AVEN: variants seen among roughly 807,000 people sequenced by gnomAD.
AVEN encodes apoptosis and caspase activation inhibitor.
In AVEN, 41 loss-of-function variants were observed where a neutral mutation model predicts 38.1. The observed-to-expected ratio is 1.08, with a 90% confidence interval of 0.84 to 1.40. The LOEUF is 1.40. Ranked by LOEUF, AVEN falls within the 40% of genes most tolerant of loss-of-function variation. AVEN has a pLI of 0.00. For missense variants in AVEN, 605 were observed against 438.8 expected, an observed-to-expected ratio of 1.38 and a Z score of -3.38; for synonymous variants, 206 against 171.8, an observed-to-expected ratio of 1.20 and a Z score of -1.56.
intron 1 of AVEN, among the ~76,000 whole-genome samples, chr15:34,073,800 C>A (rs1053601817): frequency 4.0e-5 from 6 of 151,794 alleles, no homozygotes; most frequent in Non-Finnish European, 7.4e-5. Context: ...GGATTACAGG[C>A]GTGAGTCACT....
chr15:33,890,503 AG>A (rs1891896586), intron 2 of AVEN, among the ~76,000 whole-genome samples: 1 of 152,236 alleles, frequency 6.6e-6, no homozygotes, highest in African/African-American at 2.4e-5. Flanking sequence ...ATAAGGAAAC[AG>A]AGAAATAAGG....
intron 2 of AVEN, among the ~76,000 whole-genome samples, chr15:33,983,205 TATATATATACATATATATACACACAC>T (rs1567447727): frequency 7.7e-5 from 2 of 26,032 alleles, no homozygotes; most frequent in Admixed American, 4.4e-4. Context: ...TGTGTGTATA[TATATATATACATATATATACACACAC>T]ATACACACAC....
At chr15:33,962,830 G>A (rs1054451833) in intron 2 of AVEN, among the ~76,000 whole-genome samples, 1 of 150,606 alleles carries the variant, frequency 6.6e-6, no homozygotes, top group Non-Finnish European at 1.5e-5. Context: ...TGAGGCAGGA[G>A]AATGGTGTGA....
chr15:34,014,664 T>A (rs1173148707), intron 1 of AVEN, among the ~76,000 whole-genome samples: 1 of 152,134 alleles, frequency 6.6e-6, no homozygotes, highest in Non-Finnish European at 1.5e-5. Flanking sequence ...GACCTGGGCA[T>A]CCCAAAACAA....
At chr15:33,853,515 G>C in the AVEN span, 1 of 1,600,078 alleles carries the variant, frequency 6.2e-7, no homozygotes, top group Non-Finnish European at 8.5e-7. Flanking sequence ...ATTTGGTGGT[G>C]GCGTGTGGCC....
chr15:33,912,888 ATTT>A (rs34666691), intron 2 of AVEN, among the ~76,000 whole-genome samples: 72,866 of 144,364 alleles, frequency 0.5, 19,217 homozygotes, highest in Middle Eastern at 0.62. Flanking sequence ...AAAAGGCATA[ATTT>A]TTTTTTTTTT....
At chr15:33,999,653 C>T (rs572711556) in intron 2 of AVEN, among the ~76,000 whole-genome samples, 18 of 152,244 alleles carry the variant, frequency 1.2e-4, no homozygotes, top group Middle Eastern at 3.4e-3. Context: ...TAGATCTAAC[C>T]CAACCACTTT....
In AVEN at chr15:34,056,585, C is replaced by A. The variant is rs544570079; in HGVS notation, n.1637+6337G>T. 3.9e-5 allele frequency among the ~76,000 whole-genome samples: 6 copies of A among 152,326 alleles called. No homozygotes were observed. In the South Asian group the frequency reaches 1.2e-3, roughly 32 times the overall value. ...TTTCTCAATTTATCAGATCATGAAACCTTTTCAATCATGCATTTGAAGTAG... is the reference window on the plus strand; with the variant it reads ...TTTCTCAATTTATCAGATCATGAAAACTTTTCAATCATGCATTTGAAGTAG... On this transcript the variant is annotated intron_variant and non_coding_transcript_variant, in intron 5 of 11. Coordinates refer to the AVEN transcript ENST00000675287.
intron 1 of AVEN, among the ~76,000 whole-genome samples, chr15:34,025,740 G>C (rs2140736555): frequency 6.6e-6 from 1 of 150,660 alleles, no homozygotes; most frequent in Non-Finnish European, 1.5e-5. Context: ...GTGTGTTTTT[G>C]TTTTGGTTTG....
intron 2 of AVEN, among the ~76,000 whole-genome samples, chr15:33,943,101 G>T (rs1286651626): frequency 6.6e-6 from 1 of 152,206 alleles, no homozygotes; most frequent in Non-Finnish European, 1.5e-5. Flanking sequence ...CAGCAATCCT[G>T]CTTCTGGATA....
At chr15:33,940,667 G>A (rs544212192) in intron 2 of AVEN, among the ~76,000 whole-genome samples, 2 of 151,954 alleles carry the variant, frequency 1.3e-5, no homozygotes, top group South Asian at 2.1e-4. Context: ...TCAGCCTCCC[G>A]AGTAGCTGGG....
intron 1 of AVEN, among the ~76,000 whole-genome samples, chr15:34,024,257 A>G (rs1269956191): frequency 6.6e-6 from 1 of 152,196 alleles, no homozygotes; most frequent in Non-Finnish European, 1.5e-5. Context: ...TTATAATGCT[A>G]TTATAAATAC....
intron 2 of AVEN, among the ~76,000 whole-genome samples, chr15:33,916,804 C>T (rs930103227): frequency 6.6e-6 from 1 of 151,430 alleles, no homozygotes; most frequent in Non-Finnish European, 1.5e-5. Flanking sequence ...ACTGGTGAGA[C>T]TGGGTAATTT....
intron 2 of AVEN, among the ~76,000 whole-genome samples, chr15:33,905,641 T>G (rs606948): frequency 0.37 from 56,225 of 151,928 alleles, 10,588 homozygotes; most frequent in Admixed American, 0.41. Flanking sequence ...CTGGGAAACA[T>G]GGCGAAACCC....
rs542607189 is a variant in AVEN at position 33,871,520 on chromosome 15, A to G, written c.517-490T>C. On this transcript the variant is annotated intron_variant, in intron 3 of 5. Coordinates refer to ENST00000306730, the MANE Select transcript of AVEN (RefSeq NM_020371.3). ...GAGGCAGAGGCCGCAGGGAGCCGAG[A>G]TCGCAACACTGCAAAACAGCCTGAG... Among the ~76,000 whole-genome samples, 3 of 152,220 alleles carry G rather than the reference A, an allele frequency of 2.0e-5. No individual in the cohort carries two copies. The East Asian group carries it at 5.8e-4, about 29-fold the overall frequency.
chr15:33,962,061 T>C (rs1049894225), intron 2 of AVEN, among the ~76,000 whole-genome samples: 2 of 152,108 alleles, frequency 1.3e-5, no homozygotes, highest in African/African-American at 4.8e-5. Context: ...ATTCATTAAT[T>C]CCTTTCCTAT....
intron 2 of AVEN, among the ~76,000 whole-genome samples, chr15:33,940,277 A>T (rs924388906): frequency 2.0e-5 from 3 of 152,260 alleles, no homozygotes; most frequent in Non-Finnish European, 4.4e-5. Flanking sequence ...AATCTTAAAA[A>T]ATCATTAAGG....
At chr15:33,927,605 G>T (rs1181087511) in intron 2 of AVEN, among the ~76,000 whole-genome samples, 13 of 152,104 alleles carry the variant, frequency 8.5e-5, no homozygotes, top group Admixed American at 8.5e-4. Context: ...CACTTGCACA[G>T]GCCCCTTCCA....
At chr15:34,049,677 CA>C (rs2140823422) in intron 5 of AVEN, among the ~76,000 whole-genome samples, 1 of 152,160 alleles carries the variant, frequency 6.6e-6, no homozygotes, top group Admixed American at 6.5e-5. Context: ...TGAAAAAATG[CA>C]GAGAACCCCA....
Sources: gnomAD v4.1 joint callset for allele counts (sites outside exome capture counted in the v4.1 genomes callset) on GRCh38, gnomAD v4.1.1 for gene constraint, MANE v1.5 for transcripts, NCBI Gene and HGNC (gene_info 2026-07-23, HGNC 2026-07-21) for gene names.